TOP2B: variants seen among roughly 807,000 people sequenced by gnomAD.
TOP2B encodes DNA topoisomerase II beta.
In TOP2B, 51 loss-of-function variants were observed where a neutral mutation model predicts 193.5. That is an observed-to-expected ratio of 0.26 (90% confidence interval 0.21 to 0.33). The LOEUF is 0.33. Ranked by LOEUF, TOP2B falls within the 10% of genes least tolerant of loss-of-function variation. TOP2B has a pLI of 1.00. For missense variants in TOP2B, 1,378 were observed against 1,909.3 expected (o/e 0.72, Z 5.19); for synonymous variants, 634 against 635.7 (o/e 1.00, Z 0.04).
At chr3:25,663,679 TCCCCAATGCGCTCTCAATTGAGCGCA>T (rs1703987050) in intron 1 of TOP2B, among the ~76,000 whole-genome samples, 1 of 152,120 alleles carries the variant, frequency 6.6e-6, no homozygotes, top group Non-Finnish European at 1.5e-5. Flanking sequence ...GTGAAAGTCA[TCCCCAATGCGCTCTCAATTGAGCGCA>T]TTGAATGAGG....
At chr3:25,613,043 G>C (rs1282384515) in intron 27 of TOP2B, among the ~76,000 whole-genome samples, 6 of 151,984 alleles carry the variant, frequency 3.9e-5, no homozygotes, top group Admixed American at 1.3e-4. Context: ...CAAAATCCTA[G>C]CAAATCATAT....
chr3:25,651,046 C>T (rs1703572619), intron 1 of TOP2B, among the ~76,000 whole-genome samples: 1 of 151,978 alleles, frequency 6.6e-6, no homozygotes, highest in Non-Finnish European at 1.5e-5. Context: ...TATTTTGATA[C>T]CAAAAAATTT....
At chr3:25,638,755 T>TG (rs1553642667) in intron 4 of TOP2B, among the ~76,000 whole-genome samples, 4 of 152,152 alleles carry the variant, frequency 2.6e-5, no homozygotes, top group Non-Finnish European at 4.4e-5. Flanking sequence ...TAAGTCCATA[T>TG]GAGTATGAAA....
At chr3:25,660,940 C>T (rs4533612) in intron 1 of TOP2B, among the ~76,000 whole-genome samples, 1 of 150,590 alleles carries the variant, frequency 6.6e-6, no homozygotes, top group African/African-American at 2.4e-5. Context: ...TGATAAAATT[C>T]TAGGATTTGC....
At chr3:25,610,029 A>G (rs1464731424) in intron 28 of TOP2B, among the ~76,000 whole-genome samples, 2 of 152,126 alleles carry the variant, frequency 1.3e-5, no homozygotes, top group Non-Finnish European at 2.9e-5. Context: ...TACCTGCAAA[A>G]TAAGTTTCTA....
intron 1 of TOP2B, among the ~76,000 whole-genome samples, chr3:25,648,638 C>CT (rs201153324): frequency 0.013 from 2,046 of 152,284 alleles, 50 homozygotes; most frequent in African/African-American, 0.045. Flanking sequence ...AGGCAGATCC[C>CT]TTGAGCCCAG....
chr3:25,607,504 G>A (rs1702264503), intron 30 of TOP2B, 129 bp from the exon 31 acceptor site: 2 of 1,241,168 alleles, frequency 1.6e-6, no homozygotes, highest in South Asian at 3.2e-5. Context: ...ATAAAAGCAA[G>A]CATTTACAGA....
intron 4 of TOP2B, among the ~76,000 whole-genome samples, chr3:25,641,164 A>C (rs761554366): frequency 2.0e-5 from 3 of 152,216 alleles, no homozygotes; most frequent in Non-Finnish European, 2.9e-5. Flanking sequence ...AATGTGGCTA[A>C]AATCTTTGGA....
intron 25 of TOP2B, 196 bp from the exon 26 acceptor site, chr3:25,615,782 A>G: frequency 4.9e-6 from 2 of 408,570 alleles, no homozygotes; most frequent in East Asian, 3.9e-5. Flanking sequence ...AAGACGCACA[A>G]TAAGATCTTC....
At chr3:25,629,339 T>A (rs1702893214) in intron 13 of TOP2B, among the ~76,000 whole-genome samples, 194 bp from the exon 14 acceptor site, 1 of 152,098 alleles carries the variant, frequency 6.6e-6, no homozygotes, top group African/African-American at 2.4e-5. Flanking sequence ...ATAGACTGAA[T>A]CTGTCATTAT....
At chr3:25,635,030 T>A (rs1005743890) in intron 7 of TOP2B, among the ~76,000 whole-genome samples, 3 of 152,020 alleles carry the variant, frequency 2.0e-5, no homozygotes, top group Non-Finnish European at 4.4e-5. Flanking sequence ...AAATCTACCA[T>A]CATGCTACCA....
chr3:25,656,618 T>G (rs1703753561), intron 1 of TOP2B, among the ~76,000 whole-genome samples: 1 of 152,172 alleles, frequency 6.6e-6, no homozygotes, highest in Non-Finnish European at 1.5e-5. Context: ...CAAGTATGTT[T>G]AAATTAGTAG....
chr3:25,656,924 C>A (rs949553071), intron 1 of TOP2B, among the ~76,000 whole-genome samples: 1 of 152,148 alleles, frequency 6.6e-6, no homozygotes, highest in African/African-American at 2.4e-5. Context: ...GTTTCTTTTC[C>A]TAGAGGCAAT....
chr3:25,652,878 T>A (rs113653381), intron 1 of TOP2B, among the ~76,000 whole-genome samples: 84 of 149,866 alleles, frequency 5.6e-4, no homozygotes, highest in African/African-American at 2.0e-3. Flanking sequence ...TTTGAAAAAA[T>A]TAACAAAACT....
chr3:25,630,258 T>C (rs1702918366), intron 12 of TOP2B, 54 bp downstream of exon 12: 4 of 1,527,896 alleles, frequency 2.6e-6, no homozygotes, highest in Admixed American at 2.1e-5. Flanking sequence ...ATTAGAAATG[T>C]CATATGTATG....
chr3:25,623,549 CTGACATT>C lies in TOP2B; in HGVS notation c.2686_2692del (p.Asn896AspfsTer4). 6.2e-7 allele frequency: 1 copy of C among 1,613,936 alleles called. No individual in the cohort carries two copies. The highest frequency in any genetic ancestry group is 8.5e-7 in the Non-Finnish European group (1 of 1,179,854). ...AGGATCCAGGCCATCTAGCATTCGTCTGACATTGTTCACAATTTCCCTAGCATCATAG... is the reference window on the plus strand; with the variant it reads ...AGGATCCAGGCCATCTAGCATTCGTCGTTCACAATTTCCCTAGCATCATAG... On this transcript the variant is annotated frameshift_variant, in exon 21 of 36. Coordinates refer to ENST00000264331, the MANE Select transcript of TOP2B (RefSeq NM_001330700.2). LOFTEE classifies it high-confidence loss of function.
intron 1 of TOP2B, among the ~76,000 whole-genome samples, chr3:25,646,611 G>T (rs1379959978): frequency 6.6e-6 from 1 of 151,982 alleles, no homozygotes; most frequent in Admixed American, 6.6e-5. Flanking sequence ...TAACTCAAAA[G>T]ACACAATGAG....
Position 25,609,571 on chromosome 3 carries a change from G to T in TOP2B, c.3928C>A (p.Pro1310Thr), listed in dbSNP as rs746245807. ...CAAAACTATAATCATTTCTCACCAG[G>T]CTCCTTCTTCTCCCTCTTAGGTTTG... is the stretch of plus-strand genomic sequence containing the variant. Reference protein sequence around the residue: ...GPKPKREKKEPGTRVRKTPTS... With the variant: ...GPKPKREKKETGTRVRKTPTS... The change falls in exon 29 of 36, where the codon CCT becomes ACT. Residue 1310 changes from proline to threonine, a missense_variant. By Grantham distance (38) the Pro-to-Thr change is conservative. Transcript: ENST00000264331. 30 of 1,606,184 alleles carry T rather than the reference G, an allele frequency of 1.9e-5. No individual in the cohort carries two copies. The highest frequency in any genetic ancestry group is 2.3e-5 in the Non-Finnish European group (27 of 1,176,126).
chr3:25,607,891 C>A (rs1318892046), intron 30 of TOP2B, among the ~76,000 whole-genome samples: 1 of 152,208 alleles, frequency 6.6e-6, no homozygotes, highest in Non-Finnish European at 1.5e-5. Context: ...AAGCAATCCT[C>A]ACCCCTCAGC....
Sources: gnomAD v4.1 joint callset for allele counts (sites outside exome capture counted in the v4.1 genomes callset) on GRCh38, gnomAD v4.1.1 for gene constraint, MANE v1.5 for transcripts, NCBI Gene and HGNC (gene_info 2026-07-23, HGNC 2026-07-21) for gene names.